FBXO33: variants seen among roughly 807,000 people sequenced by gnomAD.
FBXO33 encodes F-box protein 33.
A neutral mutation model predicts 46.3 loss-of-function variants in FBXO33; 22 were observed. The observed-to-expected ratio is 0.48, with a 90% CI of 0.34 to 0.68. The LOEUF is 0.68. FBXO33 is among the 30% of genes least tolerant of loss of function. The probability of loss-of-function intolerance (pLI) is 0.01; values close to 1 mark genes in which losing one functional copy is unlikely to be tolerated. For missense variants in FBXO33, 692 were observed against 708.8 expected (o/e 0.98, Z 0.27); for synonymous variants, 337 against 291.3 (o/e 1.16, Z -1.60).
At chr14:39,419,696 A>T (rs1469143830) in intron 1 of FBXO33, among the ~76,000 whole-genome samples, 2 of 152,252 alleles carry the variant, frequency 1.3e-5, no homozygotes, top group African/African-American at 4.8e-5. Flanking sequence ...GAACTAAAGA[A>T]ATCAATAGGG....
At chr14:39,428,211 T>A (rs34654496) in intron 1 of FBXO33, among the ~76,000 whole-genome samples, 43,449 of 151,898 alleles carry the variant, frequency 0.29, 7,642 homozygotes, top group Non-Finnish European at 0.4. Flanking sequence ...TCTTTTTTTT[T>A]AAATTTTTTT....
chr14:39,424,797 G>A (rs1432563120), intron 1 of FBXO33, among the ~76,000 whole-genome samples: 1 of 152,212 alleles, frequency 6.6e-6, no homozygotes, highest in Admixed American at 6.5e-5. Flanking sequence ...ACTCAGGCCT[G>A]TAATCCCAGC....
intron 1 of FBXO33, among the ~76,000 whole-genome samples, chr14:39,415,715 G>A (rs2075445017): frequency 6.6e-6 from 1 of 152,166 alleles, no homozygotes; most frequent in African/African-American, 2.4e-5. Context: ...TGCCCAGGCT[G>A]GAGTGCAGTG....
At chr14:39,405,282 G>T (rs748904082) in intron 1 of FBXO33, among the ~76,000 whole-genome samples, 1 of 152,170 alleles carries the variant, frequency 6.6e-6, no homozygotes, top group Non-Finnish European at 1.5e-5. Context: ...CTGGCACCTT[G>T]AACTGGAGTT....
intron 1 of FBXO33, among the ~76,000 whole-genome samples, chr14:39,406,233 A>G (rs1055128105): frequency 6.6e-6 from 1 of 152,204 alleles, no homozygotes. Context: ...TGGAGAATAT[A>G]AGGTATTATA....
At position 39,425,677 on chromosome 14, in the gene FBXO33, T is replaced by C. The variant is rs982621089; in HGVS notation, c.599+5887A>G. On this transcript the variant is annotated intron_variant, in intron 1 of 3. Transcript: ENST00000298097. ...CCTCAAAAATGCTAATGAACGGTCA[T>C]AGCCAAATCAAACGAACACAAATAG... Among the ~76,000 whole-genome samples the C allele has an allele frequency of 3.3e-5, 5 of 152,328 alleles. No homozygotes were observed. In the South Asian group the frequency reaches 6.2e-4, roughly 19 times the overall value.
At chr14:39,429,969 T>C (rs970850687) in intron 1 of FBXO33, among the ~76,000 whole-genome samples, 4 of 152,250 alleles carry the variant, frequency 2.6e-5, no homozygotes, top group African/African-American at 4.8e-5. Context: ...TAGACACTTA[T>C]CAAGTCTTGT....
At chr14:39,399,836 T>C in intron 3 of FBXO33, 49 bp from the exon 4 acceptor site, 2 of 1,469,766 alleles carry the variant, frequency 1.4e-6, no homozygotes, top group Non-Finnish European at 1.8e-6. Flanking sequence ...CATTTCCTTT[T>C]CTCTTTGGTA....
chr14:39,405,487 G>T (rs551767837), intron 1 of FBXO33, among the ~76,000 whole-genome samples: 1 of 135,718 alleles, frequency 7.4e-6, no homozygotes, highest in Non-Finnish European at 1.8e-5. Context: ...GAAAATCAGG[G>T]AATTTTTTGG....
At chr14:39,409,051 AT>A (rs2075411174) in intron 1 of FBXO33, among the ~76,000 whole-genome samples, 1 of 151,648 alleles carries the variant, frequency 6.6e-6, no homozygotes, top group Admixed American at 6.6e-5. Flanking sequence ...TTGCTTTTTA[AT>A]TTTGCTGATT....
At chr14:39,414,426 A>G (rs1001384486) in intron 1 of FBXO33, among the ~76,000 whole-genome samples, 2 of 152,248 alleles carry the variant, frequency 1.3e-5, no homozygotes, top group African/African-American at 4.8e-5. Flanking sequence ...TCCCTTTCTT[A>G]TCACTCATGT....
At chr14:39,400,940 G>T (rs192522129) in intron 3 of FBXO33, among the ~76,000 whole-genome samples, 1 of 152,136 alleles carries the variant, frequency 6.6e-6, no homozygotes, top group African/African-American at 2.4e-5. Context: ...ATGAAATACT[G>T]CCATTCACAT....
chr14:39,419,640 C>G (rs1046104400), intron 1 of FBXO33, among the ~76,000 whole-genome samples: 1 of 152,230 alleles, frequency 6.6e-6, no homozygotes, highest in East Asian at 1.9e-4. Flanking sequence ...AACTCAGTAA[C>G]CTGAGTTTAT....
chr14:39,399,968 C>G (rs2075361210), intron 3 of FBXO33, among the ~76,000 whole-genome samples, 181 bp from the exon 4 acceptor site: 1 of 151,522 alleles, frequency 6.6e-6, no homozygotes, highest in Admixed American at 6.6e-5. Flanking sequence ...GTTGTATAGC[C>G]CAGAAAAAAA....
intron 1 of FBXO33, among the ~76,000 whole-genome samples, chr14:39,411,695 G>C (rs554253397): frequency 1.3e-5 from 2 of 151,626 alleles, no homozygotes; most frequent in South Asian, 2.1e-4. Flanking sequence ...GATAATTTTT[G>C]TATTTTTAGT....
chr14:39,412,322 T>C (rs1048065717), intron 1 of FBXO33, among the ~76,000 whole-genome samples: 1 of 152,244 alleles, frequency 6.6e-6, no homozygotes, highest in African/African-American at 2.4e-5. Flanking sequence ...TTGTCTCTTG[T>C]GTCAGTTTTT....
chr14:39,402,486 CA>C lies in FBXO33; in HGVS notation c.624del (p.Phe208LeufsTer4), dbSNP rs745632736. On this transcript the variant is annotated frameshift_variant, in exon 2 of 4. Coordinates refer to ENST00000298097, the MANE Select transcript of FBXO33 (RefSeq NM_203301.4). LOFTEE classifies it high-confidence loss of function. ...TGCTGTTGTAGAACACTTATGTCTC[CA>C]AAAAGACTAAACTTCTGAAGGTTCC... ...NNRNLQKFSL[F>X]GDISVLQQQG... is the part of the protein sequence containing the mutation. 2.6e-6 allele frequency: 4 copies of C among 1,535,772 alleles called. No individual in the cohort carries two copies. The highest frequency in any genetic ancestry group is 1.3e-5 in the South Asian group (1 of 74,704).
At chr14:39,411,823 T>G (rs557260172) in intron 1 of FBXO33, among the ~76,000 whole-genome samples, 15 of 152,234 alleles carry the variant, frequency 9.9e-5, no homozygotes, top group Non-Finnish European at 2.1e-4. Flanking sequence ...CACCTGGCCT[T>G]GACTTCCCTT....
chr14:39,401,538 G>C lies in FBXO33; in HGVS notation c.1034C>G (p.Ser345Cys). 4 of 1,614,154 alleles carry C rather than the reference G, an allele frequency of 2.5e-6. No homozygotes were observed. Among genetic ancestry groups the C allele is most frequent in the Non-Finnish European group, 3.4e-6 (4 of 1,180,024 alleles). The stretch of plus-strand genomic sequence containing the variant: ...GTTGTCCAGAGACTTGTGCATTACA[G>C]AAACATTGTGAACCAGAAGAGACAG... ...QRLSLLVHNV[S>C]VMHKSLDNMP... Residue 345 changes from serine (S) to cysteine (C), a missense_variant, in exon 3 of 4, where the codon TCT (serine) becomes TGT (cysteine). Transcript: ENST00000298097.
Sources: gnomAD v4.1 joint callset for allele counts (sites outside exome capture counted in the v4.1 genomes callset) on GRCh38, gnomAD v4.1.1 for gene constraint, MANE v1.5 for transcripts, NCBI Gene and HGNC (gene_info 2026-07-23, HGNC 2026-07-21) for gene names.